Variants in IKBKB-DT observed in about 807,000 individuals in gnomAD.
IKBKB-DT encodes IKBKB divergent transcript.
intron 3 of IKBKB-DT, among the ~76,000 whole-genome samples, chr8:42,261,331 C>G (rs541426506): frequency 1.2e-4 from 19 of 152,186 alleles, no homozygotes; most frequent in Admixed American, 1.2e-3. Flanking sequence ...ATTCACCTCC[C>G]CTTCCAAGAA....
intron 3 of IKBKB-DT, among the ~76,000 whole-genome samples, chr8:42,254,881 C>T (rs1005812825): frequency 8.1e-5 from 12 of 148,828 alleles, no homozygotes; most frequent in African/African-American, 1.5e-4. Flanking sequence ...TGCCTCTGTC[C>T]GGCTGCCCAC....
chr8:42,237,882 G>T (rs1377531245), intron 3 of IKBKB-DT, among the ~76,000 whole-genome samples: 1 of 151,796 alleles, frequency 6.6e-6, no homozygotes, highest in African/African-American at 2.4e-5. Context: ...AAAATTAGCT[G>T]GGTGTGGTAG....
intron 3 of IKBKB-DT, among the ~76,000 whole-genome samples, chr8:42,242,618 G>A (rs1807017137): frequency 2.0e-5 from 3 of 152,156 alleles, no homozygotes; most frequent in Non-Finnish European, 2.9e-5. Context: ...CCTCCATTTG[G>A]CCTGGTCGCT....
intron 3 of IKBKB-DT, among the ~76,000 whole-genome samples, chr8:42,237,200 C>A (rs891055462): frequency 1.3e-5 from 2 of 152,014 alleles, no homozygotes; most frequent in African/African-American, 4.8e-5. Context: ...GATCCTCCTG[C>A]CTTAGCCTCC....
exon 1 of IKBKB-DT, chr8:42,271,238 C>A: frequency 1.5e-6 from 1 of 672,754 alleles, no homozygotes; most frequent in South Asian, 1.6e-5. Flanking sequence ...CTCGCAGCAT[C>A]CGGACCTGGT....
intron 3 of IKBKB-DT, among the ~76,000 whole-genome samples, chr8:42,240,957 A>G (rs549140436): frequency 6.6e-6 from 1 of 152,154 alleles, no homozygotes; most frequent in Non-Finnish European, 1.5e-5. Flanking sequence ...CCTGGGCAAC[A>G]TAGCAAGACT....
chr8:42,236,051 A>G (rs1806917885), intron 3 of IKBKB-DT, among the ~76,000 whole-genome samples: 1 of 152,230 alleles, frequency 6.6e-6, no homozygotes, highest in Non-Finnish European at 1.5e-5. Context: ...ACAAAAAACA[A>G]AAAACTAGAA....
At chr8:42,236,092 T>A (rs959993818) in intron 3 of IKBKB-DT, among the ~76,000 whole-genome samples, 3 of 151,884 alleles carry the variant, frequency 2.0e-5, no homozygotes, top group African/African-American at 7.2e-5. Flanking sequence ...CAAGGACATG[T>A]CATGGAACAT....
chr8:42,256,449 G>A lies in IKBKB-DT; in HGVS notation n.1529+6880C>T, dbSNP rs1197529402. Reference sequence around the variant, plus strand: ...TAGCTGTGGGTGGTGGCATGCGCCTGTAATCCAAGCTACTCAAGTGGCTGA... The same window carrying A: ...TAGCTGTGGGTGGTGGCATGCGCCTATAATCCAAGCTACTCAAGTGGCTGA... On this transcript the variant is annotated intron_variant and non_coding_transcript_variant, in intron 3 of 3. Coordinates refer to ENST00000518213, the Ensembl canonical transcript of IKBKB-DT. Among the ~76,000 whole-genome samples, 5 of 151,728 alleles carry A rather than the reference G, an allele frequency of 3.3e-5. No individual in the cohort carries two copies. In the South Asian group the frequency reaches 1.0e-3, roughly 32 times the overall value.
At chr8:42,268,566 C>T (rs776506799) in intron 1 of IKBKB-DT, among the ~76,000 whole-genome samples, 13 of 148,798 alleles carry the variant, frequency 8.7e-5, no homozygotes, top group Non-Finnish European at 1.5e-4. Flanking sequence ...CCACCACACC[C>T]GGCCAAATTT....
chr8:42,241,357 T>G (rs1386308470), intron 3 of IKBKB-DT, among the ~76,000 whole-genome samples: 1 of 150,370 alleles, frequency 6.7e-6, no homozygotes, highest in Non-Finnish European at 1.5e-5. Flanking sequence ...TACTTGATGT[T>G]AATTATGGCA....
Position 42,233,957 on chromosome 8 carries a change from C to A in IKBKB-DT, n.1530-98G>T, listed in dbSNP as rs565597573. 2.0e-5 allele frequency: 3 copies of A among 152,214 alleles called. No individual in the cohort carries two copies. The South Asian group carries it at 6.2e-4, about 32-fold the overall frequency. 9.4% of individuals were successfully genotyped at this position (152,214 alleles called of 1,614,324 possible). ...ATATCTCAAGCACTGATCTTAGGAGCCATTTAGGGAGGGTCAGAATCTTGT... is the reference window on the plus strand; with the variant it reads ...ATATCTCAAGCACTGATCTTAGGAGACATTTAGGGAGGGTCAGAATCTTGT... On this transcript the variant is annotated intron_variant and non_coding_transcript_variant, in intron 3 of 3. Coordinates refer to ENST00000518213, the Ensembl canonical transcript of IKBKB-DT.
At chr8:42,247,002 A>G (rs1807072842) in intron 3 of IKBKB-DT, among the ~76,000 whole-genome samples, 1 of 152,190 alleles carries the variant, frequency 6.6e-6, no homozygotes, top group South Asian at 2.1e-4. Context: ...GCCGCCACTG[A>G]TCTGACAGGA....
rs190415344 is a variant in IKBKB-DT at position 42,269,085 on chromosome 8, C to G, written n.603+1566G>C. Among the ~76,000 whole-genome samples the G allele has an allele frequency of 7.7e-3, 1,161 of 151,542 alleles. 52 individuals are homozygous for G. The highest frequency in any genetic ancestry group is 0.068 in the Admixed American group (1,037 of 15,196). On this transcript the variant is annotated intron_variant and non_coding_transcript_variant, in intron 1 of 3. Transcript: ENST00000518213. ...ATCCCAGCACTTAGGGAGGCCAAGG[C>G]GGGAGGATTGCTTTGAGGCCAGGAG...
At chr8:42,263,114 T>G (rs1216555073) in intron 3 of IKBKB-DT, among the ~76,000 whole-genome samples, 1 of 152,158 alleles carries the variant, frequency 6.6e-6, no homozygotes, top group Non-Finnish European at 1.5e-5. Context: ...TGGGCTCAAG[T>G]GATGCACCTA....
chr8:42,269,031 C>T (rs10091617), intron 1 of IKBKB-DT, among the ~76,000 whole-genome samples: 12,840 of 151,864 alleles, frequency 0.085, 977 homozygotes, highest in African/African-American at 0.2. Context: ...CAAGAAATAC[C>T]AGGCCAGAAG....
rs2129918840 is a variant in IKBKB-DT, at chr8:42,252,539, A to T, written n.1529+10790T>A. ...TGCCACCACACCCAGCTAATTTTTT[A>T]AATTTTTGGTAAAGACCAAGTCTCA... On this transcript the variant is annotated intron_variant and non_coding_transcript_variant, in intron 3 of 3. Transcript: ENST00000518213. 2.0e-5 allele frequency among the ~76,000 whole-genome samples: 3 copies of T among 152,266 alleles called. No individual in the cohort carries two copies. In the South Asian group the frequency reaches 6.2e-4, roughly 32 times the overall value.
At chr8:42,261,090 C>G (rs1807282205) in intron 3 of IKBKB-DT, among the ~76,000 whole-genome samples, 1 of 152,264 alleles carries the variant, frequency 6.6e-6, no homozygotes, top group Non-Finnish European at 1.5e-5. Context: ...CTTTGGGAGG[C>G]TGGGGCAGGT....
At chr8:42,235,158 C>T (rs58606580) in intron 3 of IKBKB-DT, among the ~76,000 whole-genome samples, 7,467 of 142,064 alleles carry the variant, frequency 0.053, 644 homozygotes, top group African/African-American at 0.18. Context: ...TTTTTTTTTT[C>T]TAACTCTTTT....
Sources: allele counts gnomAD v4.1 joint callset (sites outside exome capture counted in the v4.1 genomes callset), GRCh38; gene constraint gnomAD v4.1.1; transcripts MANE v1.5; gene names NCBI Gene and HGNC (gene_info 2026-07-23, HGNC 2026-07-21).